The following RASA1 variants were observed in gnomAD, a reference collection of about 807,000 sequenced individuals.
RASA1 encodes RAS p21 protein activator 1.
RASA1 carries 25 observed loss-of-function variants against 132.2 expected under a neutral mutation model. The observed-to-expected ratio is 0.19, with a 90% CI of 0.14 to 0.26. The LOEUF is 0.26. Among genes scored for constraint, RASA1 ranks in the 10% least tolerant of loss-of-function variants. RASA1 has a pLI of 1.00. For missense variants in RASA1, 964 were observed against 1,299.2 expected (o/e 0.74, Z 3.97); for synonymous variants, 477 against 449.9 (o/e 1.06, Z -0.76).
rs1302132653 is a variant in RASA1, at chr5:87,391,825, T to G, written c.*942T>G. 4.3e-6 allele frequency: 1 copy of G among 231,606 alleles called. No individual in the cohort carries two copies. Among genetic ancestry groups the G allele is most frequent in the African/African-American group, 2.2e-5 (1 of 45,220 alleles). The allele number at this position is 231,606 out of a possible 1,614,324, so 14.3% of individuals were successfully genotyped here. On this transcript the variant is annotated 3_prime_UTR_variant, in exon 25 of 25. Transcript: ENST00000274376. ...CTTGTTGTATCTGCTGGATATTTAG[T>G]TCAACTGTATAGTTTTATTTACTTC...
intron 23 of RASA1, among the ~76,000 whole-genome samples, chr5:87,389,023 A>C (rs1762267956): frequency 6.6e-6 from 1 of 152,224 alleles, no homozygotes; most frequent in African/African-American, 2.4e-5. Flanking sequence ...AAAGGTTACA[A>C]AGTCTATATT....
At chr5:87,353,122 A>G in intron 8 of RASA1, 35 bp from the exon 9 acceptor site, 2 of 1,532,548 alleles carry the variant, frequency 1.3e-6, no homozygotes, top group Non-Finnish European at 1.8e-6. Flanking sequence ...CAGTTTTATG[A>G]GACAGATTAA....
Position 87,377,149 on chromosome 5 carries a change from A to ACCAT in RASA1, c.2344+109_2344+110insCCAT, listed in dbSNP as rs1247675823. 84 of 1,382,620 alleles carry ACCAT rather than the reference A, an allele frequency of 6.1e-5. No homozygotes were observed. The Admixed American group carries it at 1.4e-3, about 23-fold the overall frequency. The allele number at this position is 1,382,620 out of a possible 1,614,324, so 85.6% of individuals were successfully genotyped here. The stretch of plus-strand genomic sequence containing the variant: ...ACTAAATTGTTAAATTATATTGCAA[A>ACCAT]ATAAGTTATTCTGTTTTCCCTCCTT... On this transcript the variant is annotated intron_variant, in intron 17 of 24. Coordinates refer to ENST00000274376, the MANE Select transcript of RASA1 (RefSeq NM_002890.3).
intron 9 of RASA1, among the ~76,000 whole-genome samples, chr5:87,354,401 A>T (rs1002185588): frequency 3.9e-5 from 6 of 152,046 alleles, no homozygotes; most frequent in African/African-American, 1.4e-4. Context: ...TTTCACTATT[A>T]TATGTTATGT....
chr5:87,304,329 A>G (rs1755510142), intron 1 of RASA1, among the ~76,000 whole-genome samples: 1 of 152,230 alleles, frequency 6.6e-6, no homozygotes, highest in African/African-American at 2.4e-5. Flanking sequence ...CCTAAAGATT[A>G]CAACATGTAT....
chr5:87,378,930 G>A (rs1267403242), intron 18 of RASA1, among the ~76,000 whole-genome samples: 1 of 152,032 alleles, frequency 6.6e-6, no homozygotes, highest in Non-Finnish European at 1.5e-5. Flanking sequence ...TGCGAGGGGA[G>A]AATTATGAGA....
chr5:87,295,821 G>GT (rs1242842740), intron 1 of RASA1, among the ~76,000 whole-genome samples: 10 of 149,514 alleles, frequency 6.7e-5, no homozygotes, highest in African/African-American at 2.5e-4. Flanking sequence ...CTCTAGTTTT[G>GT]GTTTTTTTTT....
At chr5:87,387,465 TAATC>T (rs1037499628) in intron 23 of RASA1, among the ~76,000 whole-genome samples, 5 of 152,312 alleles carry the variant, frequency 3.3e-5, no homozygotes, top group East Asian at 1.9e-4. Context: ...CTGCCTTTCT[TAATC>T]AAGTTAAATT....
chr5:87,367,397 A>G (rs1338514627), intron 11 of RASA1, among the ~76,000 whole-genome samples: 1 of 152,214 alleles, frequency 6.6e-6, no homozygotes, highest in Non-Finnish European at 1.5e-5. Context: ...GCTGACCTTT[A>G]GCATTTAGAA....
chr5:87,387,638 G>A (rs550958172), intron 23 of RASA1, among the ~76,000 whole-genome samples: 153 of 152,202 alleles, frequency 1.0e-3, no homozygotes, highest in African/African-American at 3.6e-3. Flanking sequence ...AGATTGAGGT[G>A]TCCATGTTCT....
In RASA1 at chr5:87,391,748, T is replaced by C. The variant is rs1039669948; in HGVS notation, c.*865T>C. 7 of 232,594 alleles carry C rather than the reference T, an allele frequency of 3.0e-5. No homozygotes were observed. Among genetic ancestry groups the C allele is most frequent in the African/African-American group, 1.5e-4 (7 of 45,256 alleles). 14.4% of individuals were successfully genotyped at this position (232,594 alleles called of 1,614,324 possible). A position where few individuals can be genotyped will look rare whatever the true frequency, so the allele number is the denominator to read the frequency against. On this transcript the variant is annotated 3_prime_UTR_variant, in exon 25 of 25. Transcript: ENST00000274376. ...ATTATTTGTGCTACCCCTTTGATTA[T>C]GCAGACAACCTCATCAGCTGCCTAA...
intron 12 of RASA1, among the ~76,000 whole-genome samples, chr5:87,370,454 C>T (rs1760846828): frequency 6.6e-6 from 1 of 152,106 alleles, no homozygotes; most frequent in African/African-American, 2.4e-5. Flanking sequence ...TTAAAAAACA[C>T]TCTTTAAAAA....
intron 1 of RASA1, among the ~76,000 whole-genome samples, chr5:87,272,032 A>T (rs1249200706): frequency 2.0e-5 from 3 of 151,724 alleles, no homozygotes; most frequent in Non-Finnish European, 4.4e-5. Flanking sequence ...GGCGCCTGTA[A>T]TCCCAGCTAC....
intron 1 of RASA1, among the ~76,000 whole-genome samples, chr5:87,269,567 A>G (rs1286069639): frequency 1.3e-5 from 2 of 152,218 alleles, no homozygotes; most frequent in African/African-American, 4.8e-5. Flanking sequence ...AATCCTGTGT[A>G]TTATAGGTGT....
chr5:87,376,964 A>G lies in RASA1; in HGVS notation c.2268A>G (p.Leu756=). The change falls in exon 17 of 25, where the codon CTA becomes CTG. Residue 756 remains leucine, a synonymous_variant. Transcript: ENST00000274376. ...GQDRTLLASI[L]LRIFLHEKLE... Reference sequence around the variant, plus strand: ...ACCGAACACTACTGGCCAGCATCCTACTGAGGATTTTTCTTCACGAAAAGC... The same window carrying G: ...ACCGAACACTACTGGCCAGCATCCTGCTGAGGATTTTTCTTCACGAAAAGC... 3 of 1,612,104 alleles carry G rather than the reference A, an allele frequency of 1.9e-6. No homozygotes were observed. The highest frequency in any genetic ancestry group is 1.7e-6 in the Non-Finnish European group (2 of 1,178,204).
chr5:87,386,793 T>A, intron 22 of RASA1, 33 bp from the exon 23 acceptor site: 1 of 1,579,338 alleles, frequency 6.3e-7, no homozygotes. Context: ...GGTTTGTTTC[T>A]GGTGCATATA....
At chr5:87,343,989 C>A (rs1758662797) in intron 6 of RASA1, among the ~76,000 whole-genome samples, 1 of 152,100 alleles carries the variant, frequency 6.6e-6, no homozygotes, top group Non-Finnish European at 1.5e-5. Context: ...ACCATGTGTT[C>A]TCACTCATAT....
In RASA1 at chr5:87,268,155, G is replaced by T; in HGVS notation, c.-297G>T. 1 of 435,590 alleles carries T rather than the reference G, an allele frequency of 2.3e-6. No homozygotes were observed. The highest frequency in any genetic ancestry group is 4.0e-6 in the Non-Finnish European group (1 of 247,192). 27.0% of individuals were successfully genotyped at this position (435,590 alleles called of 1,614,324 possible). A position where few individuals can be genotyped will look rare whatever the true frequency, so the allele number is the denominator to read the frequency against. The stretch of plus-strand genomic sequence containing the variant: ...TCTTTAGTGCAGCGAGGAAGTTTTC[G>T]CTTCTGTACATGTGTTTGTGTGCGT... On this transcript the variant is annotated 5_prime_UTR_variant, in exon 1 of 25. Transcript: ENST00000274376.
intron 1 of RASA1, among the ~76,000 whole-genome samples, chr5:87,307,322 A>G (rs1159145130): frequency 6.6e-6 from 1 of 152,060 alleles, no homozygotes; most frequent in Admixed American, 6.5e-5. Flanking sequence ...TTTCTATGAA[A>G]CTTTGCAAAT....
Sources: allele counts gnomAD v4.1 joint callset (sites outside exome capture counted in the v4.1 genomes callset), GRCh38; gene constraint gnomAD v4.1.1; transcripts MANE v1.5; gene names NCBI Gene and HGNC (gene_info 2026-07-23, HGNC 2026-07-21).